SPMAP2L: variants seen among roughly 807,000 people sequenced by gnomAD.
SPMAP2L encodes the protein sperm microtubule associated protein 2 like.
chr4:56,606,619 A>C, the SPMAP2L span, among the ~76,000 whole-genome samples: 1 of 152,170 alleles, frequency 6.6e-6, no homozygotes, highest in Non-Finnish European at 1.5e-5. Flanking sequence ...GGCAGATGGA[A>C]GGATGCATCA....
At chr4:56,551,042 C>T in the SPMAP2L span, among the ~76,000 whole-genome samples, 1 of 152,006 alleles carries the variant, frequency 6.6e-6, no homozygotes, top group Admixed American at 6.5e-5. Context: ...CTACTGCCTC[C>T]TCCCACGGTG....
chr4:56,596,418 G>T, the SPMAP2L span: 7 of 1,378,482 alleles, frequency 5.1e-6, no homozygotes, highest in African/African-American at 1.0e-4. Context: ...TGGCCCAGAG[G>T]TCAAATCATA....
At chr4:56,538,112 T>G in the SPMAP2L span, among the ~76,000 whole-genome samples, 3 of 152,208 alleles carry the variant, frequency 2.0e-5, no homozygotes, top group Admixed American at 1.3e-4. Context: ...ATCATGTCTT[T>G]CCCTTATAGT....
At chr4:56,591,160 C>T in the SPMAP2L span, among the ~76,000 whole-genome samples, 1 of 152,090 alleles carries the variant, frequency 6.6e-6, no homozygotes, top group African/African-American at 2.4e-5. Context: ...GTGGATATCC[C>T]CCTTGCTGTT....
chr4:56,573,738 AGT>A, the SPMAP2L span, among the ~76,000 whole-genome samples: 1 of 152,074 alleles, frequency 6.6e-6, no homozygotes, highest in Non-Finnish European at 1.5e-5. Flanking sequence ...TGGGTAGGTG[AGT>A]CAGTGCAGTT....
the SPMAP2L span, among the ~76,000 whole-genome samples, chr4:56,578,201 A>G: frequency 2.0e-5 from 3 of 152,206 alleles, no homozygotes; most frequent in Non-Finnish European, 4.4e-5. Context: ...TGGGCATACA[A>G]TGAATAAATA....
the SPMAP2L span, among the ~76,000 whole-genome samples, chr4:56,536,830 C>T: frequency 2.0e-5 from 3 of 152,190 alleles, no homozygotes; most frequent in Non-Finnish European, 1.5e-5. Context: ...GTGGCATGAT[C>T]TTGGCTCACT....
chr4:56,543,562 T>C, the SPMAP2L span, among the ~76,000 whole-genome samples: 1 of 152,028 alleles, frequency 6.6e-6, no homozygotes, highest in African/African-American at 2.4e-5. Context: ...TGTCGTGGTG[T>C]GCACCAGTAG....
the SPMAP2L span, chr4:56,593,865 G>C: frequency 2.6e-3 from 4,132 of 1,611,436 alleles, 77 homozygotes; most frequent in African/African-American, 0.042. Flanking sequence ...GGTTCCCATG[G>C]GCTGGAGCAT....
chr4:56,600,838 A>G, the SPMAP2L span: 1 of 1,274,724 alleles, frequency 7.8e-7, no homozygotes, highest in Non-Finnish European at 1.1e-6. Flanking sequence ...GTAATCCAGA[A>G]AAGAAATGAT....
At chr4:56,596,565 C>T in the SPMAP2L span, 1 of 1,534,042 alleles carries the variant, frequency 6.5e-7, no homozygotes, top group Non-Finnish European at 8.7e-7. Flanking sequence ...TAGAGCTTGC[C>T]CACCCAAGGA....
At chr4:56,611,214 G>A in the SPMAP2L span, among the ~76,000 whole-genome samples, 1 of 152,332 alleles carries the variant, frequency 6.6e-6, no homozygotes, top group South Asian at 2.1e-4. Flanking sequence ...CAATCAATGA[G>A]TGGATAAAGA....
the SPMAP2L span, chr4:56,552,607 C>A: frequency 6.6e-7 from 1 of 1,513,708 alleles, no homozygotes; most frequent in South Asian, 1.2e-5. Flanking sequence ...ATGGGGAACT[C>A]CAGACAGGTA....
At chr4:56,615,750 A>G in the SPMAP2L span, among the ~76,000 whole-genome samples, 3 of 100,996 alleles carry the variant, frequency 3.0e-5, no homozygotes, top group Admixed American at 8.5e-5. Flanking sequence ...TGTATCTCAA[A>G]ACAAACAAAC....
At chr4:56,585,543 T>G in the SPMAP2L span, among the ~76,000 whole-genome samples, 1 of 152,136 alleles carries the variant, frequency 6.6e-6, no homozygotes, top group African/African-American at 2.4e-5. Flanking sequence ...AGTTTCCTTA[T>G]GTTGTTCAGG....
At chr4:56,610,199 T>C in the SPMAP2L span, among the ~76,000 whole-genome samples, 3 of 152,082 alleles carry the variant, frequency 2.0e-5, no homozygotes, top group African/African-American at 7.2e-5. Flanking sequence ...GATTTCAAAC[T>C]ACTAAAAGGC....
chr4:56,560,426 C>A, the SPMAP2L span, among the ~76,000 whole-genome samples: 1 of 152,160 alleles, frequency 6.6e-6, no homozygotes, highest in African/African-American at 2.4e-5. Context: ...TCTCTTCCTG[C>A]TCTAAACTCT....
the SPMAP2L span, among the ~76,000 whole-genome samples, chr4:56,552,055 C>A: frequency 6.6e-6 from 1 of 152,218 alleles, no homozygotes; most frequent in Non-Finnish European, 1.5e-5. Flanking sequence ...CTCTCTGCTG[C>A]AAGTGGATTA....
At chr4:56,609,143 G>A in the SPMAP2L span, among the ~76,000 whole-genome samples, 23 of 149,926 alleles carry the variant, frequency 1.5e-4, no homozygotes, top group Admixed American at 5.3e-4. Context: ...TCTGCCTCCC[G>A]GGTTCAAGTG....
Sources: gnomAD v4.1 joint callset for allele counts (sites outside exome capture counted in the v4.1 genomes callset) on GRCh38, gnomAD v4.1.1 for gene constraint, MANE v1.5 for transcripts, NCBI Gene and HGNC (gene_info 2026-07-23, HGNC 2026-07-21) for gene names.